The following LTBP4 variants were observed in gnomAD, a reference collection of about 807,000 sequenced individuals.
LTBP4 encodes latent transforming growth factor beta binding protein 4.
A neutral mutation model predicts 180.2 loss-of-function variants in LTBP4; 93 were observed. The observed-to-expected ratio is 0.52, with a 90% confidence interval of 0.44 to 0.61. The LOEUF (loss-of-function observed/expected upper bound fraction) is 0.61. LTBP4 is among the 20% of genes least tolerant of loss of function. LTBP4 has a pLI of 0.00. For missense variants in LTBP4, 2,116 were observed against 2,256.5 expected (o/e 0.94, Z 1.26); for synonymous variants, 947 against 934.5 (o/e 1.01, Z -0.24).
chr19:40,593,444 A>G (rs1037384533), intron 1 of LTBP4, among the ~76,000 whole-genome samples: 1 of 152,018 alleles, frequency 6.6e-6, no homozygotes, highest in Non-Finnish European at 1.5e-5. Context: ...TTGTCTCACT[A>G]TGTTGCCCAG....
Position 40,629,731 on chromosome 19 carries a change from A to C in LTBP4, c.*181A>C, listed in dbSNP as rs967460078. Reference sequence around the variant, plus strand: ...CCGCCTCCACCAGCGCCTCCCACTGATGTCGTGGTCCCGGGCCTGGCCCAG... The same window carrying C: ...CCGCCTCCACCAGCGCCTCCCACTGCTGTCGTGGTCCCGGGCCTGGCCCAG... On this transcript the variant is annotated 3_prime_UTR_variant, in exon 30 of 30. Transcript: ENST00000396819. The surrounding 1 kb of genome is among the most constrained non-coding windows in gnomAD (Gnocchi z 4.5). 64 of 531,874 alleles carry C rather than the reference A, an allele frequency of 1.2e-4. No homozygotes were observed. The highest frequency in any genetic ancestry group is 1.8e-4 in the Non-Finnish European group (63 of 355,582). 32.9% of individuals were successfully genotyped at this position (531,874 alleles called of 1,614,324 possible).
At chr19:40,619,306 T>C (rs775570433) in intron 21 of LTBP4, 41 bp from the exon 22 acceptor site, 1 of 1,596,832 alleles carries the variant, frequency 6.3e-7, no homozygotes, top group Admixed American at 1.7e-5. Context: ...TAGAAGCTTA[T>C]AACCACTGAG....
In LTBP4 at chr19:40,613,427, G is replaced by T. The variant is rs772081280; in HGVS notation, c.2455G>T (p.Asp819Tyr). The T allele has an allele frequency of 5.6e-6, 9 of 1,605,962 alleles. No homozygotes were observed. The Admixed American group carries it at 8.5e-5, about 15-fold the overall frequency. ...AGACGTGAACGAGTGCCTGGAGGGC[G>T]ATTTCTGCTTCCCTCACGGCGAGTG... ...CADVNECLEG[D>Y]FCFPHGECLN... The change falls in exon 17 of 30, where the codon GAT becomes TAT. Residue 819 changes from aspartate (D) to tyrosine (Y), a missense_variant. Physicochemically the swap from Asp to Tyr is radical, Grantham distance 160. Around this residue, in one of 5 missense-constraint regions of LTBP4, gnomAD observed 877 missense variants for 873.6 expected, o/e 1.00. Coordinates refer to ENST00000396819, the MANE Select transcript of LTBP4 (RefSeq NM_001042545.2). The surrounding 1 kb of genome is among the most constrained non-coding windows in gnomAD (Gnocchi z 5.0).
intron 26 of LTBP4, among the ~76,000 whole-genome samples, chr19:40,625,538 A>T (rs2081627754): frequency 1.3e-5 from 2 of 151,650 alleles, no homozygotes; most frequent in South Asian, 4.2e-4. Flanking sequence ...GAGATGTCAG[A>T]CAATGCTCAG....
Position 40,609,471 on chromosome 19 carries a change from G to C in LTBP4, c.1427-59G>C. The C allele has an allele frequency of 1.3e-6, 2 of 1,589,452 alleles. No individual in the cohort carries two copies. Among genetic ancestry groups the C allele is most frequent in the Admixed American group, 3.4e-5 (2 of 58,922 alleles). ...TGTCTCCGGGGGTGGGGGTTTTACT[G>C]GGATGAAAGGAACGGAGGATTCAGA... On this transcript the variant is annotated intron_variant, in intron 9 of 29. Transcript: ENST00000396819. This position sits in a 1 kb window ranked among gnomAD's most constrained non-coding sequence, Gnocchi z 4.9.
At chr19:40,598,127 C>T (rs1414794939), upstream of LTBP4, among the ~76,000 whole-genome samples, 7 of 151,856 alleles carry the variant, frequency 4.6e-5, no homozygotes, top group Non-Finnish European at 1.0e-4. Context: ...ACCCACCCTC[C>T]CCGCCTGGCG....
At chr19:40,612,930 C>G in intron 15 of LTBP4, 135 bp from the exon 16 acceptor site, 1 of 845,462 alleles carries the variant, frequency 1.2e-6, no homozygotes. Context: ...GCCCTACCCA[C>G]CTCTGCCATA....
intron 28 of LTBP4, 93 bp from the exon 29 acceptor site, chr19:40,627,612 C>T (rs1213165602): frequency 6.7e-7 from 1 of 1,485,654 alleles, no homozygotes; most frequent in East Asian, 2.5e-5. Flanking sequence ...CAGTTTACAG[C>T]GAGAAAGATG....
rs774684561 is a variant in LTBP4, at chr19:40,609,883, G to A, written c.1684+12G>A. 1.3e-6 allele frequency: 2 copies of A among 1,525,034 alleles called. No homozygotes were observed. The highest frequency in any genetic ancestry group is 3.9e-5 in the Admixed American group (2 of 51,468). The allele number at this position is 1,525,034 out of a possible 1,614,324, so 94.5% of individuals were successfully genotyped here. A position where few individuals can be genotyped will look rare whatever the true frequency, so the allele number is the denominator to read the frequency against. ...TGCGGAATGCCTGGGTGAGAAATTT[G>A]CCCCACCCGGCTCCAGGCCCACCCC... On this transcript the variant is annotated intron_variant, in intron 11 of 29. Transcript: ENST00000396819. This position sits in a 1 kb window ranked among gnomAD's most constrained non-coding sequence, Gnocchi z 4.9.
chr19:40,618,653 T>C (rs1382046960), intron 21 of LTBP4, among the ~76,000 whole-genome samples: 2 of 152,190 alleles, frequency 1.3e-5, no homozygotes, highest in African/African-American at 4.8e-5. Flanking sequence ...AGCACTGGGA[T>C]TACAGGCATG....
In LTBP4 at chr19:40,627,762, G is replaced by T. The variant is rs1167875749; in HGVS notation, c.4424G>T (p.Gly1475Val). Residue 1475 changes from glycine (G) to valine (V), a missense_variant, in exon 29 of 30, where the codon GGC becomes GTC. Coordinates refer to ENST00000396819, the MANE Select transcript of LTBP4 (RefSeq NM_001042545.2). ...LEAEECGILD[G>V]CTNGRCVRVP... is the part of the protein sequence containing the mutation. ...GCGGAGGAGTGCGGGATCCTGGACG[G>T]CTGCACCAACGGCCGCTGCGTGCGC... 2 of 1,591,494 alleles carry T rather than the reference G, an allele frequency of 1.3e-6. No individual in the cohort carries two copies. The highest frequency in any genetic ancestry group is 2.3e-5 in the East Asian group (1 of 43,786).
At position 40,605,267 on chromosome 19, in the gene LTBP4, A is replaced by G. The variant is rs1310949833; in HGVS notation, c.442+41A>G. The G allele has an allele frequency of 1.3e-6, 2 of 1,560,504 alleles. No individual in the cohort carries two copies. Among genetic ancestry groups the G allele is most frequent in the Admixed American group, 1.9e-5 (1 of 52,294 alleles). On this transcript the variant is annotated intron_variant, in intron 2 of 29. Transcript: ENST00000396819. This position sits in a 1 kb window ranked among gnomAD's most constrained non-coding sequence, Gnocchi z 5.5. ...CCAGAGTCCCCTCCGACCCCTGTCA[A>G]GCATTTCACTTTGCCCCTGACCCTC...
chr19:40,604,374 G>C (rs772762839), intron 1 of LTBP4, among the ~76,000 whole-genome samples: 1 of 152,108 alleles, frequency 6.6e-6, no homozygotes, highest in African/African-American at 2.4e-5. Context: ...AGTTATGCCA[G>C]GGAGTGGTTA....
Position 40,612,131 on chromosome 19 carries a change from C to A in LTBP4, c.2238C>A (p.Pro746=). 6.2e-7 allele frequency: 1 copy of A among 1,613,290 alleles called. No individual in the cohort carries two copies. Among genetic ancestry groups the A allele is most frequent in the East Asian group, 2.2e-5 (1 of 44,860 alleles). ...ACPGQECVNS[P]GSFQCRTCPS... ...CTGGGCAGGAGTGTGTGAACTCGCC[C>A]GGCTCCTTCCAGTGCAGGACCTGTC... The change falls in exon 15 of 30, where the codon CCC becomes CCA. Residue 746 remains proline, a synonymous_variant. Transcript: ENST00000396819.
intron 18 of LTBP4, 33 bp downstream of exon 18, chr19:40,614,071 C>G (rs1293751291): frequency 1.2e-6 from 2 of 1,606,952 alleles, no homozygotes; most frequent in Admixed American, 1.7e-5. Flanking sequence ...GATCCCTCCT[C>G]CCTTCGACTC....
chr19:40,619,296 T>C lies in LTBP4; in HGVS notation c.3071-51T>C, dbSNP rs1056898098. 17 of 1,578,132 alleles carry C rather than the reference T, an allele frequency of 1.1e-5. No individual in the cohort carries two copies. In the African/African-American group the frequency reaches 1.1e-4, roughly 10 times the overall value. The stretch of plus-strand genomic sequence containing the variant: ...TGAGACTTTCGGACCTTTGGAATCA[T>C]AGAAGCTTATAACCACTGAGTCCCT... On this transcript the variant is annotated intron_variant, in intron 21 of 29. Coordinates refer to ENST00000396819, the MANE Select transcript of LTBP4 (RefSeq NM_001042545.2).
chr19:40,627,137 A>G lies in LTBP4; in HGVS notation c.4148A>G (p.Asp1383Gly), dbSNP rs775012853. Residue 1383 changes from aspartate to glycine, a missense_variant, in exon 28 of 30, where the codon GAC becomes GGC. Physicochemically the swap from Asp to Gly is moderately conservative, Grantham distance 94. Transcript: ENST00000396819. The part of the protein sequence containing the change: ...ELYPPPALPY[D>G]PYPPPPGPFA... ...TACCCACCACCTGCGCTACCCTACG[A>G]CCCCTACCCACCGCCACCTGGGCCC... 1 of 1,611,622 alleles carries G rather than the reference A, an allele frequency of 6.2e-7. No homozygotes were observed.
Position 40,609,855 on chromosome 19 carries a change from G to C in LTBP4, c.1668G>C (p.Arg556=), listed in dbSNP as rs771089632. 5.0e-6 allele frequency: 8 copies of C among 1,585,126 alleles called. No homozygotes were observed. The Admixed American group carries it at 1.2e-4, about 24-fold the overall frequency. ...VCGPGFRAGP[R]AAECLDVDEC... is the part of the protein sequence containing the mutation. ...GCCCGGGCTTCCGAGCCGGCCCACG[G>C]GCTGCGGAATGCCTGGGTGAGAAAT... Residue 556 remains arginine, a synonymous_variant, in exon 11 of 30, where the codon CGG becomes CGC. Transcript: ENST00000396819. This position sits in a 1 kb window ranked among gnomAD's most constrained non-coding sequence, Gnocchi z 4.9.
intron 22 of LTBP4, among the ~76,000 whole-genome samples, chr19:40,620,235 A>C (rs28571670): frequency 6.6e-6 from 1 of 150,394 alleles, no homozygotes; most frequent in African/African-American, 2.4e-5. Flanking sequence ...TTTTTTGAAA[A>C]TTTTTTTTAA....
Sources: allele counts gnomAD v4.1 joint callset (sites outside exome capture counted in the v4.1 genomes callset), GRCh38; gene constraint gnomAD v4.1.1; regional missense constraint gnomAD v4.1.1; non-coding constraint Gnocchi (gnomAD v3.1); transcripts MANE v1.5; gene names NCBI Gene and HGNC (gene_info 2026-07-23, HGNC 2026-07-21).